The following HECW2 variants were observed in gnomAD, a reference collection of about 807,000 sequenced individuals.
HECW2 encodes the protein HECT, C2 and WW domain containing E3 ubiquitin protein ligase 2.
HECW2 carries 61 observed loss-of-function variants against 175.2 expected under a neutral mutation model. The observed-to-expected ratio is 0.35, with a 90% CI of 0.28 to 0.43. HECW2 has a LOEUF of 0.43. HECW2 is among the 20% of genes least tolerant of loss of function. HECW2 has a pLI of 1.00. For missense variants in HECW2, 1,524 were observed against 2,000.5 expected (o/e 0.76, Z 4.54); for synonymous variants, 671 against 731.0 (o/e 0.92, Z 1.32).
intron 21 of HECW2, among the ~76,000 whole-genome samples, chr2:196,238,290 A>G (rs1407208239): frequency 6.6e-6 from 1 of 152,142 alleles, no homozygotes; most frequent in Non-Finnish European, 1.5e-5. Context: ...TTATAGTTCA[A>G]TGGAAAATTT....
chr2:196,318,951 C>G lies in HECW2; in HGVS notation c.1939G>C (p.Glu647Gln). ...GAGGACAGCTGCGTGGTCACACTCT[C>G]ATTGCAGGAGCTGTCAGCGCATTCC... ...DLECADSSCNESVTTQLSSVD... is the reference protein window; with the variant it reads ...DLECADSSCNQSVTTQLSSVD... The change falls in exon 9 of 29, where the codon GAG becomes CAG. Residue 647 changes from glutamate to glutamine, a missense_variant. This residue lies in a region of HECW2 where 604 missense variants were observed against 588.3 expected (regional missense o/e 1.03). Coordinates refer to ENST00000644978, the MANE Select transcript of HECW2 (RefSeq NM_001348768.2). The G allele has an allele frequency of 6.2e-7, 1 of 1,610,092 alleles. No individual in the cohort carries two copies. The highest frequency in any genetic ancestry group is 8.5e-7 in the Non-Finnish European group (1 of 1,177,958).
chr2:196,382,740 G>C (rs1325513380), intron 2 of HECW2, among the ~76,000 whole-genome samples: 2 of 151,982 alleles, frequency 1.3e-5, no homozygotes, highest in Non-Finnish European at 2.9e-5. Context: ...TACAGCAACT[G>C]CATTTCCAAC....
chr2:196,340,605 A>T (rs2105820674), intron 3 of HECW2, among the ~76,000 whole-genome samples: 1 of 151,388 alleles, frequency 6.6e-6, no homozygotes, highest in East Asian at 1.9e-4. Context: ...CAAAAAAAAA[A>T]AAAAAAAAAA....
Position 196,343,024 on chromosome 2 carries a change from T to A in HECW2, c.400+633A>T, listed in dbSNP as rs567097667. Among the ~76,000 whole-genome samples, 4 of 151,320 alleles carry A rather than the reference T, an allele frequency of 2.6e-5. No individual in the cohort carries two copies. The East Asian group carries it at 7.7e-4, about 29-fold the overall frequency. The stretch of plus-strand genomic sequence containing the variant: ...ATATATTTTTGTATATATACATGTA[T>A]ATGTATGTACATGTAATATTTGCAT... On this transcript the variant is annotated intron_variant, in intron 3 of 28. Transcript: ENST00000644978.
intron 2 of HECW2, among the ~76,000 whole-genome samples, chr2:196,355,033 A>G (rs1693312808): frequency 6.6e-6 from 1 of 152,216 alleles, no homozygotes; most frequent in African/African-American, 2.4e-5. Context: ...ATTCTTTGAT[A>G]ATGCTCAAAT....
At chr2:196,442,829 T>G (rs554679771) in intron 1 of HECW2, among the ~76,000 whole-genome samples, 2 of 152,164 alleles carry the variant, frequency 1.3e-5, no homozygotes, top group Admixed American at 1.3e-4. Context: ...ATAAGATATA[T>G]AATAATGTTA....
chr2:196,497,468 A>G (rs371740130), intron 1 of HECW2, among the ~76,000 whole-genome samples: 6 of 152,314 alleles, frequency 3.9e-5, no homozygotes, highest in East Asian at 1.9e-4. Flanking sequence ...GAGATTGTTG[A>G]CTTAACTGAA....
chr2:196,431,629 C>A (rs1695716111), intron 2 of HECW2, among the ~76,000 whole-genome samples: 1 of 152,086 alleles, frequency 6.6e-6, no homozygotes, highest in Non-Finnish European at 1.5e-5. Flanking sequence ...ACATTCAAAT[C>A]AAAAGGGTTA....
intron 28 of HECW2, among the ~76,000 whole-genome samples, chr2:196,203,688 T>G (rs1575213865): frequency 6.6e-6 from 1 of 152,336 alleles, no homozygotes; most frequent in East Asian, 1.9e-4. Context: ...GATTAACTTT[T>G]CAGTATTTTT....
intron 1 of HECW2, among the ~76,000 whole-genome samples, chr2:196,530,883 C>T (rs1049589055): frequency 6.6e-6 from 1 of 152,146 alleles, no homozygotes; most frequent in South Asian, 2.1e-4. Flanking sequence ...CCTAATACTA[C>T]ACCCAGTGTT....
At chr2:196,222,430 G>A in intron 23 of HECW2, 90 bp from the exon 24 acceptor site, 7 of 1,254,378 alleles carry the variant, frequency 5.6e-6, no homozygotes, top group East Asian at 2.5e-5. Context: ...GAATTAAAGA[G>A]AAGAATAAGA....
chr2:196,337,798 G>T (rs936709133), intron 3 of HECW2, among the ~76,000 whole-genome samples: 3 of 151,988 alleles, frequency 2.0e-5, no homozygotes, highest in African/African-American at 7.2e-5. Flanking sequence ...ACCTGATATC[G>T]GCTGAGCCAG....
At chr2:196,213,337 A>G (rs934556415) in intron 28 of HECW2, among the ~76,000 whole-genome samples, 4 of 152,204 alleles carry the variant, frequency 2.6e-5, no homozygotes, top group African/African-American at 4.8e-5. Flanking sequence ...TTTCATATAC[A>G]TTATCTTACA....
intron 1 of HECW2, among the ~76,000 whole-genome samples, chr2:196,542,889 G>A (rs1689274887): frequency 6.8e-6 from 1 of 146,550 alleles, no homozygotes; most frequent in Non-Finnish European, 1.5e-5. Flanking sequence ...TCTATATATA[G>A]GTATATCTAA....
rs1692481053 is a variant in HECW2, at chr2:196,334,535, GA to G, written c.401-18del. 6.4e-7 allele frequency: 1 copy of G among 1,557,964 alleles called. No individual in the cohort carries two copies. The highest frequency in any genetic ancestry group is 8.7e-7 in the Non-Finnish European group (1 of 1,144,846). ...TTATCTCCGCTGCAAAGCAATTGGA[GA>G]AAACAGTAATTTAAACAGTGAAACA... On this transcript the variant is annotated intron_variant, in intron 3 of 28. Transcript: ENST00000644978.
intron 28 of HECW2, among the ~76,000 whole-genome samples, chr2:196,207,449 T>C (rs1687110036): frequency 6.6e-6 from 1 of 152,236 alleles, no homozygotes; most frequent in Non-Finnish European, 1.5e-5. Flanking sequence ...AATACCTTCT[T>C]AGGCCATGAG....
At chr2:196,516,628 G>T (rs1688158724) in intron 1 of HECW2, among the ~76,000 whole-genome samples, 1 of 152,112 alleles carries the variant, frequency 6.6e-6, no homozygotes, top group Non-Finnish European at 1.5e-5. Flanking sequence ...TTTAATAAAA[G>T]AAACATTAGT....
chr2:196,499,289 G>C (rs1288642397), intron 1 of HECW2, among the ~76,000 whole-genome samples: 9 of 149,562 alleles, frequency 6.0e-5, no homozygotes, highest in Middle Eastern at 3.4e-3. Context: ...AAAAATTGTT[G>C]ACACATTGAC....
intron 1 of HECW2, among the ~76,000 whole-genome samples, chr2:196,525,493 G>A (rs373414175): frequency 6.8e-6 from 1 of 146,252 alleles, no homozygotes; most frequent in Non-Finnish European, 1.5e-5. Context: ...AGTTAATATT[G>A]TTATGTGTGA....
Sources: gnomAD v4.1 joint callset for allele counts (sites outside exome capture counted in the v4.1 genomes callset) on GRCh38, gnomAD v4.1.1 for gene constraint, gnomAD v4.1.1 regional missense constraint, MANE v1.5 for transcripts, NCBI Gene and HGNC (gene_info 2026-07-23, HGNC 2026-07-21) for gene names.